Variants in AFF2 observed in about 807,000 individuals in gnomAD.
AFF2 encodes AF4/FMR2 family member 2.
Under a neutral mutation model 76.9 loss-of-function variants are expected in AFF2, and 14 were observed. That is an observed-to-expected ratio of 0.18 (90% CI 0.12 to 0.28). The LOEUF (loss-of-function observed/expected upper bound fraction) is 0.28, where lower values mean the gene tolerates loss of function less well. Among genes scored for constraint, AFF2 ranks in the 10% least tolerant of loss-of-function variants. The probability of loss-of-function intolerance (pLI) is 1.00; values close to 1 mark genes in which losing one functional copy is unlikely to be tolerated. For missense variants in AFF2, 868 were observed against 1,001.1 expected, an observed-to-expected ratio of 0.87 and a Z score of 1.79; for synonymous variants, 398 against 366.7, an observed-to-expected ratio of 1.09 and a Z score of -0.98.
chrX:148,773,748 G>A (rs868981595), intron 3 of AFF2, among the ~76,000 whole-genome samples: 3 of 91,957 alleles, frequency 3.3e-5, no homozygotes, highest in Admixed American at 1.2e-4. Flanking sequence ...GAAAGAAAGA[G>A]AAAGAAAGAA....
intron 2 of AFF2, among the ~76,000 whole-genome samples, chrX:148,660,463 A>G (rs782190790): frequency 1.8e-5 from 2 of 112,054 alleles, no homozygotes; most frequent in Non-Finnish European, 3.8e-5. Context: ...ATCTTCACAT[A>G]CAAAGGAAAA....
intron 7 of AFF2, among the ~76,000 whole-genome samples, chrX:148,859,582 T>C (rs2070823899): frequency 9.0e-6 from 1 of 110,506 alleles, no homozygotes; most frequent in South Asian, 3.7e-4. Context: ...CAAATGGAAT[T>C]TTCCTACATA....
intron 16 of AFF2, among the ~76,000 whole-genome samples, chrX:148,977,069 G>A (rs782759261): frequency 9.8e-5 from 11 of 112,053 alleles, no homozygotes; most frequent in Non-Finnish European, 1.5e-4. Flanking sequence ...GCTTTCTGTC[G>A]CCTTCTTATA....
At chrX:148,904,326 G>A (rs1603337911) in intron 9 of AFF2, 68 bp downstream of exon 9, 1 of 661,165 alleles carries the variant, frequency 1.5e-6, no homozygotes. Flanking sequence ...AAAAAATAAG[G>A]TCATAAAAGA....
chrX:148,511,274 T>G (rs782096135), intron 1 of AFF2, among the ~76,000 whole-genome samples: 9 of 111,472 alleles, frequency 8.1e-5, no homozygotes, highest in Admixed American at 2.9e-4. Flanking sequence ...GTGTAGTAAC[T>G]TGTTACCATC....
At chrX:148,659,173 T>C (rs892030674) in intron 2 of AFF2, among the ~76,000 whole-genome samples, 8 of 112,285 alleles carry the variant, frequency 7.1e-5, no homozygotes, top group Non-Finnish European at 3.8e-5. Flanking sequence ...TAATTTCAAG[T>C]ATATTTTTAA....
intron 3 of AFF2, among the ~76,000 whole-genome samples, chrX:148,752,787 T>C (rs1264731776): frequency 8.9e-6 from 1 of 112,122 alleles, no homozygotes; most frequent in Non-Finnish European, 1.9e-5. Flanking sequence ...ACATAATGTT[T>C]CTAATTATAG....
chrX:148,558,541 A>G (rs1435012067), intron 1 of AFF2, among the ~76,000 whole-genome samples: 4 of 111,828 alleles, frequency 3.6e-5, no homozygotes, highest in African/African-American at 1.3e-4. Flanking sequence ...ATTTTAAACA[A>G]GAGGAACGTC....
At chrX:148,670,459 A>G (rs1484656009) in intron 3 of AFF2, among the ~76,000 whole-genome samples, 1 of 112,016 alleles carries the variant, frequency 8.9e-6, no homozygotes, top group Non-Finnish European at 1.9e-5. Context: ...AATAGCATAT[A>G]CAGAAAGGGG....
chrX:148,662,106 C>A lies in AFF2; in HGVS notation c.379C>A (p.Gln127Lys), dbSNP rs782434943. The A allele has an allele frequency of 2.5e-6, 3 of 1,206,990 alleles. No individual in the cohort carries two copies. The highest frequency in any genetic ancestry group is 3.5e-5 in the African/African-American group (2 of 57,663). The change falls in exon 3 of 21, where the codon CAG becomes AAG. Residue 127 changes from glutamine (Q) to lysine (K), a missense_variant. Coordinates refer to ENST00000370460, the MANE Select transcript of AFF2 (RefSeq NM_002025.4). ...EQKNRIIPPH[Q>K]DNTHPSAPMP... ...AAAGAACAGAATAATTCCACCTCACCAGGATAATACCCATCCTTCAGCACC... is the reference window on the plus strand; with the variant it reads ...AAAGAACAGAATAATTCCACCTCACAAGGATAATACCCATCCTTCAGCACC...
intron 1 of AFF2, among the ~76,000 whole-genome samples, chrX:148,541,681 ATAT>A (rs781929983): frequency 1.8e-5 from 2 of 111,258 alleles, no homozygotes; most frequent in Admixed American, 9.6e-5. Context: ...TCAGTGTATC[ATAT>A]TATTAACATT....
rs141724014 is a variant in AFF2, at chrX:148,829,776, A to G, written c.1087-7871A>G. Among the ~76,000 whole-genome samples, 56 of 112,039 alleles carry G rather than the reference A, an allele frequency of 5.0e-4. 1 individual carries two copies. In the East Asian group the frequency reaches 0.015, roughly 30 times the overall value. ...GGCAGAGGACATTTCGCCTTCAGAG[A>G]TGAACTGCTCACTGCCTTCTAAGAC... On this transcript the variant is annotated intron_variant, in intron 4 of 20. Transcript: ENST00000370460.
chrX:148,942,865 A>C (rs781841879), intron 9 of AFF2, among the ~76,000 whole-genome samples: 1 of 110,815 alleles, frequency 9.0e-6, no homozygotes, highest in Non-Finnish European at 1.9e-5. Context: ...ATTGGCAATG[A>C]TGAGTCAGGA....
chrX:148,626,561 A>G (rs1262719280), intron 1 of AFF2, among the ~76,000 whole-genome samples: 1 of 108,949 alleles, frequency 9.2e-6, no homozygotes, highest in Non-Finnish European at 1.9e-5. Context: ...TTTTTTTCTT[A>G]CAGTTCTGGA....
intron 2 of AFF2, among the ~76,000 whole-genome samples, chrX:148,661,283 A>G (rs2054301525): frequency 8.9e-6 from 1 of 112,794 alleles, no homozygotes; most frequent in Non-Finnish European, 1.9e-5. Context: ...CAGTCATTCC[A>G]GAATATACAG....
At chrX:148,948,620 G>A (rs182932070) in intron 9 of AFF2, among the ~76,000 whole-genome samples, 5 of 111,327 alleles carry the variant, frequency 4.5e-5, no homozygotes, top group African/African-American at 1.6e-4. Context: ...ATTTTACAGG[G>A]TCATGCTGGA....
At position 148,554,754 on chromosome X, in the gene AFF2, G is replaced by A. The variant is rs782052589; in HGVS notation, c.47+53610G>A. ...CTTCCACCCAAACTGCTTTTGCAGT[G>A]TAGCTTAGACTTAGATTCTTCTTGA... On this transcript the variant is annotated intron_variant, in intron 1 of 20. Coordinates refer to ENST00000370460, the MANE Select transcript of AFF2 (RefSeq NM_002025.4). 5.3e-5 allele frequency among the ~76,000 whole-genome samples: 6 copies of A among 112,454 alleles called. No homozygotes were observed. In the South Asian group the frequency reaches 1.8e-3, roughly 35 times the overall value.
intron 1 of AFF2, among the ~76,000 whole-genome samples, chrX:148,637,276 A>G (rs1421240805): frequency 2.7e-5 from 3 of 112,203 alleles, no homozygotes; most frequent in Admixed American, 9.5e-5. Flanking sequence ...AGACAATACA[A>G]TGGTCATGAA....
intron 1 of AFF2, among the ~76,000 whole-genome samples, chrX:148,555,411 C>T (rs782553097): frequency 3.7e-4 from 42 of 112,289 alleles, no homozygotes; most frequent in African/African-American, 1.3e-3. Context: ...TTGACCATTG[C>T]TGTGCATGAA....
Sources: allele counts gnomAD v4.1 joint callset (sites outside exome capture counted in the v4.1 genomes callset), GRCh38; gene constraint gnomAD v4.1.1; transcripts MANE v1.5; gene names NCBI Gene and HGNC (gene_info 2026-07-23, HGNC 2026-07-21).